The following FRAS1 variants were observed in gnomAD, a reference collection of about 807,000 sequenced individuals.
FRAS1 encodes Fraser extracellular matrix complex subunit 1, also known as extracellular matrix organizing protein FRAS1.
A neutral mutation model predicts 435.2 loss-of-function variants in FRAS1; 290 were observed. The observed-to-expected ratio is 0.67, with a 90% CI of 0.61 to 0.73. The LOEUF is 0.73. Ranked by LOEUF, FRAS1 falls within the 30% of genes least tolerant of loss-of-function variation. FRAS1 has a pLI of 0.00. For synonymous variants in FRAS1, 1,800 were observed against 1,851.0 expected (o/e 0.97, Z 0.71); for missense variants, 4,860 against 5,001.5 (o/e 0.97, Z 0.85).
chr4:78,347,774 CGT>C (rs200474638), intron 20 of FRAS1, among the ~76,000 whole-genome samples: 19,590 of 130,744 alleles, frequency 0.15, 1,991 homozygotes, highest in Non-Finnish European at 0.21. Flanking sequence ...TATGTGTGTG[CGT>C]GTGTGTGTGT....
chr4:78,398,103 A>T (rs1470256788), intron 29 of FRAS1, among the ~76,000 whole-genome samples: 1 of 147,490 alleles, frequency 6.8e-6, no homozygotes, highest in Non-Finnish European at 1.5e-5. Context: ...TTATTCTGCC[A>T]TCTTGCTTAT....
chr4:78,477,447 C>T (rs779878764), intron 54 of FRAS1, among the ~76,000 whole-genome samples: 1 of 152,176 alleles, frequency 6.6e-6, no homozygotes, highest in African/African-American at 2.4e-5. Flanking sequence ...GAACTTCATA[C>T]TCCAAGGCCA....
chr4:78,411,233 C>T (rs1424429000), intron 31 of FRAS1, among the ~76,000 whole-genome samples: 3 of 151,908 alleles, frequency 2.0e-5, no homozygotes, highest in Non-Finnish European at 4.4e-5. Context: ...ACCTCAGCCT[C>T]CCGAGTAGCT....
chr4:78,068,740 A>G (rs775169026), intron 2 of FRAS1: 36 of 357,872 alleles, frequency 1.0e-4, no homozygotes, highest in Non-Finnish European at 1.9e-4. Context: ...AAACAGCTGT[A>G]CAAGATTGAG....
Position 78,464,097 on chromosome 4 carries a change from G to A in FRAS1, c.6840G>A (p.Glu2280=). The change falls in exon 48 of 74, where the codon GAG becomes GAA. Residue 2280 remains glutamate, a synonymous_variant. Coordinates refer to ENST00000512123, the MANE Select transcript of FRAS1 (RefSeq NM_025074.7). ...NVQYVHSSEA[E]KHSDAFSFTL... ...AGTATGTCCATTCTAGTGAGGCTGA[G>A]AAACATTCAGATGCCTTCAGCTTTA... 1 of 1,613,732 alleles carries A rather than the reference G, an allele frequency of 6.2e-7. No homozygotes were observed. The highest frequency in any genetic ancestry group is 8.5e-7 in the Non-Finnish European group (1 of 1,179,830).
intron 16 of FRAS1, 22 bp from the exon 17 acceptor site, chr4:78,317,346 T>C: frequency 6.2e-7 from 1 of 1,613,548 alleles, no homozygotes; most frequent in Non-Finnish European, 8.5e-7. Flanking sequence ...CATGGCGTTC[T>C]CCCTCTCACT....
chr4:78,302,380 A>G (rs1220924489), intron 14 of FRAS1, among the ~76,000 whole-genome samples: 2 of 151,206 alleles, frequency 1.3e-5, no homozygotes, highest in Non-Finnish European at 3.0e-5. Flanking sequence ...CAGTAATGGG[A>G]TGGCTGGGTC....
At chr4:78,295,605 T>C (rs17003107) in intron 14 of FRAS1, among the ~76,000 whole-genome samples, 1 of 152,166 alleles carries the variant, frequency 6.6e-6, no homozygotes, top group African/African-American at 2.4e-5. Context: ...CATCTGCCTG[T>C]CTATTCCTTT....
chr4:78,372,957 G>A, intron 24 of FRAS1, 99 bp downstream of exon 24: 1 of 1,324,860 alleles, frequency 7.5e-7, no homozygotes, highest in South Asian at 1.6e-5. Flanking sequence ...TCCCCTTCTG[G>A]CTTTTTACCC....
chr4:78,182,083 A>C, intron 2 of FRAS1: 1 of 1,484,520 alleles, frequency 6.7e-7, no homozygotes, highest in South Asian at 1.4e-5. Flanking sequence ...TACGGATTGC[A>C]GCGGGCCGCG....
intron 4 of FRAS1, among the ~76,000 whole-genome samples, chr4:78,251,572 C>G (rs1037431921): frequency 6.9e-6 from 1 of 144,948 alleles, no homozygotes; most frequent in African/African-American, 2.9e-5. Flanking sequence ...CCAACATCTC[C>G]CTAGCCCTGG....
At chr4:78,189,114 C>T (rs1722415311) in intron 2 of FRAS1, among the ~76,000 whole-genome samples, 1 of 152,232 alleles carries the variant, frequency 6.6e-6, no homozygotes, top group African/African-American at 2.4e-5. Flanking sequence ...GGATATACAT[C>T]ATCTGCTTCT....
chr4:78,446,114 C>A, intron 42 of FRAS1: 1 of 1,049,922 alleles, frequency 9.5e-7, no homozygotes, highest in Non-Finnish European at 1.1e-6. Context: ...GAAATGTGTT[C>A]CTTGATGCTG....
chr4:78,173,941 G>A (rs1308704870), intron 2 of FRAS1, among the ~76,000 whole-genome samples: 6 of 152,192 alleles, frequency 3.9e-5, no homozygotes, highest in African/African-American at 1.4e-4. Context: ...TCTTACTAAT[G>A]CTTATCATCA....
At chr4:78,129,759 C>G (rs1719590803) in intron 2 of FRAS1, among the ~76,000 whole-genome samples, 1 of 152,198 alleles carries the variant, frequency 6.6e-6, no homozygotes, top group Non-Finnish European at 1.5e-5. Context: ...GCCTAAAACT[C>G]TCAGTGGTCC....
At chr4:78,361,652 G>A (rs1369559157) in intron 20 of FRAS1, among the ~76,000 whole-genome samples, 1 of 152,166 alleles carries the variant, frequency 6.6e-6, no homozygotes, top group African/African-American at 2.4e-5. Flanking sequence ...ATCACCAACA[G>A]TGTACAGAGA....
At chr4:78,249,323 C>CTT (rs11308579) in intron 4 of FRAS1, among the ~76,000 whole-genome samples, 2,588 of 47,324 alleles carry the variant, frequency 0.055, 270 homozygotes, top group South Asian at 0.075. Context: ...GCAGTGGAGC[C>CTT]TTTTTTTTTT....
At chr4:78,087,079 A>T (rs1181224450) in intron 2 of FRAS1, among the ~76,000 whole-genome samples, 7 of 152,220 alleles carry the variant, frequency 4.6e-5, no homozygotes, top group African/African-American at 1.7e-4. Context: ...ATCCACCATG[A>T]TCAAGTGGGC....
chr4:78,197,043 G>A (rs1276582084), intron 2 of FRAS1, among the ~76,000 whole-genome samples: 1 of 152,192 alleles, frequency 6.6e-6, no homozygotes, highest in Non-Finnish European at 1.5e-5. Context: ...ATTATGTGCT[G>A]GAAGCTTGAG....
Sources: allele counts gnomAD v4.1 joint callset (sites outside exome capture counted in the v4.1 genomes callset), GRCh38; gene constraint gnomAD v4.1.1; transcripts MANE v1.5; gene names NCBI Gene and HGNC (gene_info 2026-07-23, HGNC 2026-07-21).